The following LAMA2 variants were observed in gnomAD, a reference collection of about 807,000 sequenced individuals.
LAMA2 encodes the protein laminin subunit alpha 2.
LAMA2 carries 269 observed loss-of-function variants against 364.8 expected under a neutral mutation model. The observed-to-expected ratio is 0.74, with a 90% CI of 0.67 to 0.82. LAMA2 has a LOEUF of 0.82. Among genes scored for constraint, LAMA2 ranks in the 40% least tolerant of loss-of-function variants. The pLI is 0.00. For synonymous variants in LAMA2, 1,379 were observed against 1,370.6 expected (o/e 1.01, Z -0.14); for missense variants, 3,807 against 3,873.2 (o/e 0.98, Z 0.45).
chr6:129,167,990 C>G (rs1373090971), intron 9 of LAMA2, among the ~76,000 whole-genome samples: 4 of 150,728 alleles, frequency 2.7e-5, no homozygotes, highest in Admixed American at 6.6e-5. Flanking sequence ...TCATGTCCTT[C>G]GCCCACTTGT....
In LAMA2 at chr6:129,287,891, C is replaced by T; in HGVS notation, c.2582C>T (p.Ser861Leu). ...YFGQPSVPGG[S>L]CQPCQCNDNL... ...GGACAACCCTCTGTACCTGGAGGAT[C>T]ATGTCAGCCATGCCAATGCAATGAC... Residue 861 changes from serine (S) to leucine (L), a missense_variant, in exon 19 of 65, where the codon TCA becomes TTA. Ser to Leu is a moderately radical substitution (Grantham distance 145). This residue lies in a region of LAMA2 where 3,333 missense variants were observed against 3,345.7 expected (regional missense o/e 1.00). Coordinates refer to ENST00000421865, the MANE Select transcript of LAMA2 (RefSeq NM_000426.4). 1 of 1,614,042 alleles carries T rather than the reference C, an allele frequency of 6.2e-7. No homozygotes were observed. The highest frequency in any genetic ancestry group is 8.5e-7 in the Non-Finnish European group (1 of 1,179,936).
intron 1 of LAMA2, among the ~76,000 whole-genome samples, chr6:128,963,809 T>A (rs1582782310): frequency 1.3e-5 from 2 of 152,184 alleles, no homozygotes; most frequent in East Asian, 3.9e-4. Flanking sequence ...TGACAAAACA[T>A]TCATTGAAAT....
intron 12 of LAMA2, among the ~76,000 whole-genome samples, chr6:129,217,006 T>A (rs1167945508): frequency 6.6e-6 from 1 of 151,894 alleles, no homozygotes; most frequent in Non-Finnish European, 1.5e-5. Context: ...CTGGCCAACA[T>A]GACGAAACCC....
rs1781594970 is a variant in LAMA2 at position 129,192,720 on chromosome 6, G to A, written c.1649G>A (p.Gly550Asp). The stretch of plus-strand genomic sequence containing the variant: ...GGCTGGTATCTGACTGACCTTCCTG[G>A]CCGCATTCGAGTGGCTCCCCAGCAG... ...MSGWYLTDLP[G>D]RIRVAPQQDD... Residue 550 changes from glycine (G) to aspartate (D), a missense_variant, in exon 12 of 65, where the codon GGC (glycine) becomes GAC (aspartate). Gly to Asp is a moderately conservative substitution (Grantham distance 94, BLOSUM62 -1). Coordinates refer to ENST00000421865, the MANE Select transcript of LAMA2 (RefSeq NM_000426.4). The A allele has an allele frequency of 1.2e-6, 2 of 1,614,036 alleles. No individual in the cohort carries two copies. The highest frequency in any genetic ancestry group is 1.7e-5 in the Admixed American group (1 of 60,004).
intron 1 of LAMA2, among the ~76,000 whole-genome samples, chr6:128,926,662 T>G (rs1582695758): frequency 6.6e-6 from 1 of 152,324 alleles, no homozygotes; most frequent in East Asian, 1.9e-4. Flanking sequence ...ATAGACCACA[T>G]TTTGAATATT....
intron 1 of LAMA2, among the ~76,000 whole-genome samples, chr6:128,988,136 G>T (rs901426196): frequency 6.6e-6 from 1 of 152,182 alleles, no homozygotes. Context: ...AAAGTGCTGG[G>T]ATTATAGGCA....
At chr6:129,381,933 T>G (rs938663962) in intron 34 of LAMA2, among the ~76,000 whole-genome samples, 3 of 152,204 alleles carry the variant, frequency 2.0e-5, no homozygotes, top group African/African-American at 7.2e-5. Context: ...TTGAAAACTT[T>G]CATAAATTAA....
chr6:129,192,916 G>T, intron 12 of LAMA2, 63 bp downstream of exon 12: 1 of 1,484,118 alleles, frequency 6.7e-7, no homozygotes, highest in South Asian at 1.2e-5. Context: ...ATGGGTTTTA[G>T]TTGGTAATTC....
At chr6:129,453,945 CTT>C (rs11389653) in intron 46 of LAMA2, among the ~76,000 whole-genome samples, 148 of 143,206 alleles carry the variant, frequency 1.0e-3, no homozygotes, top group African/African-American at 3.0e-3. Flanking sequence ...GCATTATGGA[CTT>C]TTTTTTTTTT....
Position 129,148,991 on chromosome 6 carries a change from G to A in LAMA2, c.922G>A (p.Glu308Lys), listed in dbSNP as rs146462599. Reference protein sequence around the residue: ...LDPATNKSRCECEHNTCGDSC... With the variant: ...LDPATNKSRCKCEHNTCGDSC... Reference sequence around the variant, plus strand: ...TCTTTTTGACTAGAAATCTCGCTGTGAGTGTGAGCATAACACATGTGGCGA... The same window carrying A: ...TCTTTTTGACTAGAAATCTCGCTGTAAGTGTGAGCATAACACATGTGGCGA... The change falls in exon 7 of 65, where the codon GAG becomes AAG. Residue 308 changes from glutamate to lysine, a missense_variant. Coordinates refer to ENST00000421865, the MANE Select transcript of LAMA2 (RefSeq NM_000426.4). 1,924 of 1,612,440 alleles carry A rather than the reference G, an allele frequency of 1.2e-3. 4 individuals carry two copies. Among genetic ancestry groups the A allele is most frequent in the Middle Eastern group, 4.0e-3 (24 of 6,060 alleles).
chr6:129,109,516 A>G (rs1776019664), intron 4 of LAMA2, among the ~76,000 whole-genome samples: 1 of 142,014 alleles, frequency 7.0e-6, no homozygotes, highest in African/African-American at 2.7e-5. Flanking sequence ...TCCTTTTATG[A>G]AGTCTTTAAA....
intron 1 of LAMA2, among the ~76,000 whole-genome samples, chr6:128,998,045 C>T (rs1784106777): frequency 6.6e-6 from 1 of 151,924 alleles, no homozygotes; most frequent in South Asian, 2.1e-4. Context: ...GAGAGCTGCA[C>T]AGATGGGGTG....
intron 15 of LAMA2, among the ~76,000 whole-genome samples, chr6:129,265,187 C>T (rs1376674863): frequency 6.6e-6 from 1 of 152,098 alleles, no homozygotes; most frequent in East Asian, 1.9e-4. Context: ...CCCCACATCA[C>T]TTGTTTGGAA....
chr6:128,961,317 T>TATA (rs1781475527), intron 1 of LAMA2, among the ~76,000 whole-genome samples: 1 of 43,358 alleles, frequency 2.3e-5, no homozygotes, highest in Non-Finnish European at 5.2e-5. Context: ...AGAACTAATA[T>TATA]GATATATATA....
intron 41 of LAMA2, among the ~76,000 whole-genome samples, chr6:129,438,047 GA>G (rs1029265556): frequency 1.3e-4 from 19 of 150,954 alleles, no homozygotes; most frequent in East Asian, 1.2e-3. Context: ...AGTATCAAGA[GA>G]AAAAAACTAT....
intron 1 of LAMA2, among the ~76,000 whole-genome samples, chr6:128,971,155 GTTT>G (rs1444378223): frequency 6.6e-6 from 1 of 152,168 alleles, no homozygotes. Context: ...TGAAAGAAAA[GTTT>G]TTATTTTCTT....
In LAMA2 at chr6:129,178,677, A is replaced by G. The variant is rs561891813; in HGVS notation, c.1467+811A>G. On this transcript the variant is annotated intron_variant, in intron 10 of 64. Transcript: ENST00000421865. ...ACTACTTTTTTCTTTATTTTCAATTAAAGAGGGACCCTTATTAAAAATATT... is the reference window on the plus strand; with the variant it reads ...ACTACTTTTTTCTTTATTTTCAATTGAAGAGGGACCCTTATTAAAAATATT... 5.3e-5 allele frequency among the ~76,000 whole-genome samples: 8 copies of G among 152,252 alleles called. No individual in the cohort carries two copies. The East Asian group carries it at 1.3e-3, about 26-fold the overall frequency.
At chr6:129,177,065 A>G (rs1227401124) in intron 9 of LAMA2, among the ~76,000 whole-genome samples, 1 of 151,816 alleles carries the variant, frequency 6.6e-6, no homozygotes, top group African/African-American at 2.4e-5. Flanking sequence ...TTCATCCTGT[A>G]TTATTTCTAT....
chr6:129,509,951 A>G (rs878911920), intron 62 of LAMA2, among the ~76,000 whole-genome samples: 1 of 152,064 alleles, frequency 6.6e-6, no homozygotes, highest in Non-Finnish European at 1.5e-5. Context: ...CATTTTAACA[A>G]TATTGATTCT....
Sources: allele counts gnomAD v4.1 joint callset (sites outside exome capture counted in the v4.1 genomes callset), GRCh38; gene constraint gnomAD v4.1.1; regional missense constraint gnomAD v4.1.1; transcripts MANE v1.5; gene names NCBI Gene and HGNC (gene_info 2026-07-23, HGNC 2026-07-21).